TUSC3: variants seen among roughly 807,000 people sequenced by gnomAD.
The protein encoded by TUSC3 is dolichyl-diphosphooligosaccharide--protein glycosyltransferase subunit TUSC3.
In TUSC3, 45 loss-of-function variants were observed where a neutral mutation model predicts 44.8. The ratio of observed to expected loss-of-function variants is 1.00; its 90% CI spans 0.79 to 1.29. The LOEUF is 1.29. TUSC3 is among the 50% of genes most tolerant of loss of function. The pLI, the probability that TUSC3 is intolerant of heterozygous loss-of-function variation, is 0.00. For synonymous variants in TUSC3, 212 were observed against 152.9 expected, an observed-to-expected ratio of 1.39 and a Z score of -2.85; for missense variants, 519 against 437.9, an observed-to-expected ratio of 1.19 and a Z score of -1.65.
chr8:15,812,273 A>G, the TUSC3 span, among the ~76,000 whole-genome samples: 1 of 152,218 alleles, frequency 6.6e-6, no homozygotes, highest in Non-Finnish European at 1.5e-5. Context: ...AAGAATCACA[A>G]ACAGAAAACA....
the TUSC3 span, among the ~76,000 whole-genome samples, chr8:15,849,646 AGCAAATCCT>A: frequency 5.9e-5 from 9 of 152,238 alleles, no homozygotes; most frequent in African/African-American, 2.2e-4. Context: ...CTCTCACACT[AGCAAATCCT>A]GTAAGAATGC....
rs187668360 is a variant in TUSC3 at position 15,685,319 on chromosome 8, G to A, written c.798+11483G>A. Among the ~76,000 whole-genome samples, 490 of 151,158 alleles carry A rather than the reference G, an allele frequency of 3.2e-3. 7 individuals are homozygous for A. Among genetic ancestry groups the A allele is most frequent in the African/African-American group, 0.011 (454 of 40,604 alleles). On this transcript the variant is annotated intron_variant, in intron 6 of 10. Coordinates refer to ENST00000503731, the MANE Select transcript of TUSC3 (RefSeq NM_006765.4). ...CAGGAGGCCGGTCCTAGTGCCCAGC[G>A]ACTCTGAGTGGCTTCCTGGCTTCCT... is the stretch of plus-strand genomic sequence containing the variant.
chr8:15,801,808 G>T, the TUSC3 span, among the ~76,000 whole-genome samples: 1 of 152,290 alleles, frequency 6.6e-6, no homozygotes, highest in African/African-American at 2.4e-5. Flanking sequence ...GGATGCTCTT[G>T]TAGCCGGGTA....
intron 2 of TUSC3, 84 bp from the exon 3 acceptor site, chr8:15,650,613 G>C: frequency 1.7e-6 from 2 of 1,180,962 alleles, no homozygotes; most frequent in Non-Finnish European, 2.5e-6. Context: ...GCCAGTGCTT[G>C]TCCTAGGGTT....
chr8:15,619,327 A>C (rs1163813695), intron 1 of TUSC3, among the ~76,000 whole-genome samples: 1 of 152,214 alleles, frequency 6.6e-6, no homozygotes, highest in Non-Finnish European at 1.5e-5. Flanking sequence ...ATAATTCACA[A>C]AATGTAATCA....
chr8:15,851,874 G>A, the TUSC3 span, among the ~76,000 whole-genome samples: 1 of 152,172 alleles, frequency 6.6e-6, no homozygotes, highest in African/African-American at 2.4e-5. Context: ...GGAGATAACT[G>A]AATCATTGGG....
chr8:15,502,380 T>C (rs1800978952), intron 2 of TUSC3, among the ~76,000 whole-genome samples: 2 of 152,252 alleles, frequency 1.3e-5, no homozygotes, highest in African/African-American at 4.8e-5. Context: ...CTCAGACTGC[T>C]TTTCAGAATG....
chr8:15,448,559 A>C (rs2129119862), intron 1 of TUSC3, among the ~76,000 whole-genome samples: 1 of 152,326 alleles, frequency 6.6e-6, no homozygotes, highest in Admixed American at 6.5e-5. Context: ...GAGCAGATGT[A>C]AAAAGTGTAT....
the TUSC3 span, among the ~76,000 whole-genome samples, chr8:15,794,178 C>T: frequency 6.6e-6 from 1 of 152,202 alleles, no homozygotes; most frequent in South Asian, 2.1e-4. Flanking sequence ...CTCAGGACCT[C>T]AGCATCATTT....
intron 1 of TUSC3, among the ~76,000 whole-genome samples, chr8:15,574,937 G>T (rs1563298001): frequency 6.6e-6 from 1 of 152,070 alleles, no homozygotes. Flanking sequence ...CTATTCTAGT[G>T]TTATTGTATT....
intron 1 of TUSC3, among the ~76,000 whole-genome samples, chr8:15,574,476 G>C (rs113563187): frequency 0.027 from 4,112 of 152,038 alleles, 188 homozygotes; most frequent in African/African-American, 0.093. Context: ...TCTCTCTTTT[G>C]CTTAGGCCCT....
chr8:15,705,802 G>C (rs542596090), intron 6 of TUSC3, among the ~76,000 whole-genome samples: 10 of 152,124 alleles, frequency 6.6e-5, no homozygotes, highest in African/African-American at 2.4e-4. Flanking sequence ...AGGTATTACA[G>C]AAATAGCTTC....
At chr8:15,730,768 C>A in intron 7 of TUSC3, 39 bp downstream of exon 7, 1 of 1,585,488 alleles carries the variant, frequency 6.3e-7, no homozygotes, top group Non-Finnish European at 8.7e-7. Context: ...AAAGGGCAAA[C>A]TAAAGCTACA....
the TUSC3 span, among the ~76,000 whole-genome samples, chr8:15,812,268 T>A: frequency 2.6e-5 from 4 of 152,152 alleles, no homozygotes; most frequent in African/African-American, 9.7e-5. Context: ...TTCAAAAGAA[T>A]CACAAACAGA....
the TUSC3 span, among the ~76,000 whole-genome samples, chr8:15,838,676 G>A: frequency 6.6e-6 from 1 of 152,092 alleles, no homozygotes; most frequent in Non-Finnish European, 1.5e-5. Flanking sequence ...TAGATGTGTG[G>A]TATTATTTCT....
intron 1 of TUSC3, among the ~76,000 whole-genome samples, chr8:15,613,064 G>GATATATATATAT (rs34594440): frequency 1.4e-4 from 20 of 144,558 alleles, no homozygotes; most frequent in African/African-American, 4.8e-4. Flanking sequence ...TTATATATAT[G>GATATATATATAT]ATATATATAT....
At chr8:15,549,634 A>T (rs746100349) in intron 1 of TUSC3, among the ~76,000 whole-genome samples, 1 of 151,710 alleles carries the variant, frequency 6.6e-6, no homozygotes, top group Non-Finnish European at 1.5e-5. Context: ...AAGTTGAAGG[A>T]AAAGAAAACG....
chr8:15,432,393 C>T (rs925347566), intron 1 of TUSC3, among the ~76,000 whole-genome samples: 7 of 152,226 alleles, frequency 4.6e-5, no homozygotes, highest in East Asian at 1.9e-4. Flanking sequence ...TGCTTACTTA[C>T]ATTTCCCATC....
In TUSC3 at chr8:15,764,360, T is replaced by G; in HGVS notation, c.*204T>G. On this transcript the variant is annotated 3_prime_UTR_variant, in exon 11 of 11. Coordinates refer to ENST00000503731, the MANE Select transcript of TUSC3 (RefSeq NM_006765.4). ...TTTTTTAAACTGTGGGTTTTCCTAG[T>G]AAATTTAATTTACAGAAATCAATGG... 1 of 822,478 alleles carries G rather than the reference T, an allele frequency of 1.2e-6. No individual in the cohort carries two copies. The highest frequency in any genetic ancestry group is 1.9e-6 in the Non-Finnish European group (1 of 523,830). 50.9% of individuals were successfully genotyped at this position (822,478 alleles called of 1,614,324 possible).
Sources: allele counts gnomAD v4.1 joint callset (sites outside exome capture counted in the v4.1 genomes callset), GRCh38; gene constraint gnomAD v4.1.1; transcripts MANE v1.5; gene names NCBI Gene and HGNC (gene_info 2026-07-23, HGNC 2026-07-21).